Variants in ATP11A observed in about 807,000 individuals in gnomAD.
ATP11A encodes the protein phospholipid-transporting ATPase IH.
A neutral mutation model predicts 154.4 loss-of-function variants in ATP11A; 81 were observed. That is an observed-to-expected ratio of 0.52 (90% CI 0.44 to 0.63). The LOEUF (loss-of-function observed/expected upper bound fraction) is 0.63. Among genes scored for constraint, ATP11A ranks in the 30% least tolerant of loss-of-function variants. The probability of loss-of-function intolerance (pLI) is 0.00; values close to 1 mark genes in which losing one functional copy is unlikely to be tolerated. For synonymous variants in ATP11A, 623 were observed against 585.9 expected (o/e 1.06, Z -0.91); for missense variants, 1,316 against 1,474.3 (o/e 0.89, Z 1.76).
At chr13:112,819,062 G>A (rs935421734) in intron 6 of ATP11A, among the ~76,000 whole-genome samples, 46 of 152,218 alleles carry the variant, frequency 3.0e-4, no homozygotes, top group Admixed American at 2.4e-3. Flanking sequence ...TGAAGAATTC[G>A]AGCATTGCTA....
chr13:112,810,122 A>G (rs919386129), intron 4 of ATP11A, among the ~76,000 whole-genome samples: 3 of 152,126 alleles, frequency 2.0e-5, no homozygotes, highest in Non-Finnish European at 4.4e-5. Flanking sequence ...GCCAGATCTC[A>G]TAACAATCAG....
In ATP11A at chr13:112,885,552, CA is replaced by C. The variant is rs2080965072; in HGVS notation, c.*3689del. On this transcript the variant is annotated 3_prime_UTR_variant, in exon 30 of 30. Coordinates refer to ENST00000375645, the MANE Select transcript of ATP11A (RefSeq NM_015205.3). ...CACACATGCACACACGTGTACACCACAAACGAGCTCCCAGACATGTAAACAC... is the reference window on the plus strand; with the variant it reads ...CACACATGCACACACGTGTACACCACAACGAGCTCCCAGACATGTAAACAC... 1.3e-5 allele frequency: 2 copies of C among 152,170 alleles called. No homozygotes were observed. Among genetic ancestry groups the C allele is most frequent in the East Asian group, 1.9e-4 (1 of 5,132 alleles). The allele number at this position is 152,170 out of a possible 1,614,324, so 9.4% of individuals were successfully genotyped here. A position where few individuals can be genotyped will look rare whatever the true frequency, so the allele number is the denominator to read the frequency against.
intron 14 of ATP11A, among the ~76,000 whole-genome samples, chr13:112,833,632 C>T (rs2079155241): frequency 6.6e-6 from 1 of 152,190 alleles, no homozygotes; most frequent in East Asian, 1.9e-4. Flanking sequence ...CATGTTCGCG[C>T]TTCTCACCTC....
At chr13:112,759,812 T>C (rs2076923976) in intron 1 of ATP11A, among the ~76,000 whole-genome samples, 1 of 152,238 alleles carries the variant, frequency 6.6e-6, no homozygotes, top group Admixed American at 6.5e-5. Context: ...TATAAAATGT[T>C]ATAAACATTT....
In ATP11A at chr13:112,838,603, C is replaced by T. The variant is rs2079305980; in HGVS notation, c.1705+2352C>T. Reference sequence around the variant, plus strand: ...GACCTCAGGGCATTGTGGGCTATGCCGTGGAATCTTTGTAAATAACTTCTG... The same window carrying T: ...GACCTCAGGGCATTGTGGGCTATGCTGTGGAATCTTTGTAAATAACTTCTG... On this transcript the variant is annotated intron_variant, in intron 16 of 29. Transcript: ENST00000375645. The surrounding 1 kb of genome is among the most constrained non-coding windows in gnomAD (Gnocchi z 7.3). 2.0e-5 allele frequency among the ~76,000 whole-genome samples: 3 copies of T among 152,134 alleles called. No individual in the cohort carries two copies. Among genetic ancestry groups the T allele is most frequent in the Non-Finnish European group, 2.9e-5 (2 of 68,018 alleles).
intron 13 of ATP11A, 90 bp from the exon 14 acceptor site, chr13:112,832,770 C>T: frequency 6.6e-7 from 1 of 1,504,554 alleles, no homozygotes; most frequent in Non-Finnish European, 9.0e-7. Flanking sequence ...CCCCCCCCAC[C>T]CCGCTTCTTG....
intron 1 of ATP11A, among the ~76,000 whole-genome samples, chr13:112,769,862 G>C (rs80231507): frequency 6.6e-6 from 1 of 152,316 alleles, no homozygotes; most frequent in Non-Finnish European, 1.5e-5. Flanking sequence ...AGCACTTCCC[G>C]TGCCATCCCA....
At chr13:112,852,793 G>T (rs1232270889) in intron 18 of ATP11A, among the ~76,000 whole-genome samples, 2 of 143,258 alleles carry the variant, frequency 1.4e-5, no homozygotes, top group Non-Finnish European at 3.0e-5. Context: ...GGCGGGGGGG[G>T]ATCTCAGTGG....
rs773322179 is a variant in ATP11A, at chr13:112,785,299, AG to A, written c.162+43del. ...CTGAGTGTCCATAATGTGTCTAAAA[AG>A]CAGCTGCCGGGGGGTGTTAGTGCTT... is the stretch of plus-strand genomic sequence containing the variant. On this transcript the variant is annotated intron_variant, in intron 2 of 29. Coordinates refer to ENST00000375645, the MANE Select transcript of ATP11A (RefSeq NM_015205.3). This position sits in a 1 kb window ranked among gnomAD's most constrained non-coding sequence, Gnocchi z 4.8. The A allele has an allele frequency of 1.3e-5, 18 of 1,392,780 alleles. No individual in the cohort carries two copies. Among genetic ancestry groups the A allele is most frequent in the Non-Finnish European group, 1.5e-5 (16 of 1,062,940 alleles). 86.3% of individuals were successfully genotyped at this position (1,392,780 alleles called of 1,614,324 possible).
chr13:112,774,748 C>G (rs76277130), intron 1 of ATP11A, among the ~76,000 whole-genome samples: 1,733 of 152,368 alleles, frequency 0.011, 42 homozygotes, highest in African/African-American at 0.039. Flanking sequence ...GTCACAGTCT[C>G]AGAGTGTGAG....
intron 1 of ATP11A, among the ~76,000 whole-genome samples, chr13:112,691,463 CAAAAAA>C (rs34506401): frequency 1.2e-5 from 1 of 84,370 alleles, no homozygotes; most frequent in Non-Finnish European, 2.3e-5. Flanking sequence ...GACTCTGTAT[CAAAAAA>C]AAAAAAAAAA....
intron 1 of ATP11A, among the ~76,000 whole-genome samples, chr13:112,742,165 C>G (rs1210304441): frequency 6.6e-6 from 1 of 152,240 alleles, no homozygotes; most frequent in Admixed American, 6.5e-5. Flanking sequence ...CATTCTTGAT[C>G]TAGATGGTGC....
At chr13:112,724,308 C>T (rs1252473652) in intron 1 of ATP11A, among the ~76,000 whole-genome samples, 3 of 151,816 alleles carry the variant, frequency 2.0e-5, no homozygotes, top group Non-Finnish European at 4.4e-5. Context: ...GTCTCAGGGA[C>T]CACCTACACT....
chr13:112,725,539 G>A (rs1171602575), intron 1 of ATP11A, among the ~76,000 whole-genome samples: 2 of 152,246 alleles, frequency 1.3e-5, no homozygotes, highest in Non-Finnish European at 2.9e-5. Flanking sequence ...AGGTGCCCAG[G>A]AGTGACTGGC....
chr13:112,833,030 C>T lies in ATP11A; in HGVS notation c.1559+7C>T, dbSNP rs549884210. On this transcript the variant is annotated splice_region_variant and intron_variant, in intron 14 of 29. Transcript: ENST00000375645. ...TGGTCGAAGGTGTCCAGAGGTACGT[C>T]GCGGGCCAAGGGTCTGCCTGGGTTT... is the stretch of plus-strand genomic sequence containing the variant. 1.4e-5 allele frequency: 22 copies of T among 1,608,712 alleles called. No individual in the cohort carries two copies. The highest frequency in any genetic ancestry group is 2.7e-5 in the African/African-American group (2 of 74,952).
Position 112,836,215 on chromosome 13 carries a change from A to G in ATP11A, c.1669A>G (p.Arg557Gly). The change falls in exon 16 of 30, where the codon AGA becomes GGA. Residue 557 changes from arginine (R) to glycine (G), a missense_variant. Coordinates refer to ENST00000375645, the MANE Select transcript of ATP11A (RefSeq NM_015205.3). Reference sequence around the variant, plus strand: ...GGAAATTTTGAGTTTTGACTCAGTCAGAAGGAGAATGAGTGTAATTGTAAA... The same window carrying G: ...GGAAATTTTGAGTTTTGACTCAGTCGGAAGGAGAATGAGTGTAATTGTAAA... ...LLEILSFDSVRRRMSVIVKSA... is the reference protein window; with the variant it reads ...LLEILSFDSVGRRMSVIVKSA... 1 of 1,612,794 alleles carries G rather than the reference A, an allele frequency of 6.2e-7. No homozygotes were observed. Among genetic ancestry groups the G allele is most frequent in the Non-Finnish European group, 8.5e-7 (1 of 1,179,160 alleles).
chr13:112,740,140 C>CTT (rs1566408668), intron 1 of ATP11A, among the ~76,000 whole-genome samples: 10 of 103,728 alleles, frequency 9.6e-5, no homozygotes, highest in African/African-American at 4.2e-4. Flanking sequence ...CTCTCTCTCT[C>CTT]TCTCTCTCTA....
rs534737577 is a variant in ATP11A at position 112,836,318 on chromosome 13, A to T, written c.1705+67A>T. On this transcript the variant is annotated intron_variant, in intron 16 of 29. Transcript: ENST00000375645. ...TGGTTGTGTTTTATTCTGATGACTA[A>T]ATTCTACAGGAGCTTTAAGGATTTA... The T allele has an allele frequency of 4.8e-5, 45 of 933,834 alleles. No homozygotes were observed. The Admixed American group carries it at 7.6e-4, about 16-fold the overall frequency. 57.8% of individuals were successfully genotyped at this position (933,834 alleles called of 1,614,324 possible).
chr13:112,825,583 A>G lies in ATP11A; in HGVS notation c.1023+3A>G. 1 of 1,611,292 alleles carries G rather than the reference A, an allele frequency of 6.2e-7. No individual in the cohort carries two copies. Among genetic ancestry groups the G allele is most frequent in the Non-Finnish European group, 8.5e-7 (1 of 1,178,964 alleles). On this transcript the variant is annotated splice_donor_region_variant and intron_variant, in intron 11 of 29. Coordinates refer to ENST00000375645, the MANE Select transcript of ATP11A (RefSeq NM_015205.3). ...AGTCGGAAAGGCAGAGGAATCTGGTATGGAGAATCACTGCCCTTGTATGAT... is the reference window on the plus strand; with the variant it reads ...AGTCGGAAAGGCAGAGGAATCTGGTGTGGAGAATCACTGCCCTTGTATGAT...
Sources: gnomAD v4.1 joint callset for allele counts (sites outside exome capture counted in the v4.1 genomes callset) on GRCh38, gnomAD v4.1.1 for gene constraint, Gnocchi (gnomAD v3.1) non-coding constraint, MANE v1.5 for transcripts, NCBI Gene and HGNC (gene_info 2026-07-23, HGNC 2026-07-21) for gene names.